S100A8: variants seen among roughly 807,000 people sequenced by gnomAD.
The protein encoded by S100A8 is protein S100-A8.
A neutral mutation model predicts 4.2 loss-of-function variants in S100A8; 1 was observed. That is an observed-to-expected ratio of 0.24 (90% CI 0.08 to 1.12). The LOEUF is 1.12. S100A8 is among the 50% of genes most tolerant of loss of function. The pLI, the probability that S100A8 is intolerant of heterozygous loss-of-function variation, is 0.53. For synonymous variants in S100A8, 41 were observed against 44.7 expected, an observed-to-expected ratio of 0.92 and a Z score of 0.33; for missense variants, 96 against 111.8, an observed-to-expected ratio of 0.86 and a Z score of 0.64.
upstream of S100A8, among the ~76,000 whole-genome samples, chr1:153,392,004 C>T (rs1045915208): frequency 2.0e-5 from 3 of 152,186 alleles, no homozygotes; most frequent in Non-Finnish European, 4.4e-5. Flanking sequence ...CTCCCCACCA[C>T]TAACAAAATG....
At chr1:153,415,730 A>C in the S100A8 span, among the ~76,000 whole-genome samples, 4 of 150,218 alleles carry the variant, frequency 2.7e-5, no homozygotes, top group African/African-American at 1.0e-4. Context: ...GGCGGGGGTC[A>C]CTCCACCACT....
chr1:153,418,776 C>CA, the S100A8 span, among the ~76,000 whole-genome samples: 2 of 152,124 alleles, frequency 1.3e-5, no homozygotes, highest in East Asian at 3.8e-4. Flanking sequence ...AAGAAGAGAA[C>CA]AAAGCATGAG....
At chr1:153,408,558 A>ATAT in the S100A8 span, among the ~76,000 whole-genome samples, 1 of 152,236 alleles carries the variant, frequency 6.6e-6, no homozygotes. Context: ...AGTCTGCAGG[A>ATAT]TATTATCCAG....
chr1:153,402,178 G>C, the S100A8 span, among the ~76,000 whole-genome samples: 4 of 152,326 alleles, frequency 2.6e-5, no homozygotes, highest in South Asian at 8.3e-4. Flanking sequence ...ATGATTAACA[G>C]TATTAAGTTC....
chr1:153,407,834 G>A, the S100A8 span, among the ~76,000 whole-genome samples: 8 of 152,310 alleles, frequency 5.3e-5, no homozygotes, highest in South Asian at 2.1e-4. Context: ...TGCAGCCTCC[G>A]CTGGTGACAC....
At chr1:153,409,574 C>T in the S100A8 span, among the ~76,000 whole-genome samples, 1 of 152,252 alleles carries the variant, frequency 6.6e-6, no homozygotes, top group African/African-American at 2.4e-5. Context: ...ATCAATAAGA[C>T]AGAAAGTTAA....
At chr1:153,400,833 T>C in the S100A8 span, among the ~76,000 whole-genome samples, 3 of 152,208 alleles carry the variant, frequency 2.0e-5, no homozygotes, top group African/African-American at 4.8e-5. Flanking sequence ...ATGTCCACCA[T>C]TGCAATATCC....
At chr1:153,411,228 A>G in the S100A8 span, among the ~76,000 whole-genome samples, 5 of 152,224 alleles carry the variant, frequency 3.3e-5, no homozygotes, top group African/African-American at 7.2e-5. Context: ...TATCTAGAAA[A>G]TCCCATCGCC....
At chr1:153,407,765 A>T in the S100A8 span, among the ~76,000 whole-genome samples, 2 of 152,162 alleles carry the variant, frequency 1.3e-5, no homozygotes, top group South Asian at 4.1e-4. Flanking sequence ...CCTCTGAGAC[A>T]AAGCTTCCAG....
the S100A8 span, among the ~76,000 whole-genome samples, chr1:153,411,233 A>G: frequency 6.6e-6 from 1 of 152,238 alleles, no homozygotes; most frequent in Non-Finnish European, 1.5e-5. Flanking sequence ...AGAAAATCCC[A>G]TCGCCTCAGC....
chr1:153,416,161 G>C, the S100A8 span, among the ~76,000 whole-genome samples: 1 of 152,162 alleles, frequency 6.6e-6, no homozygotes, highest in African/African-American at 2.4e-5. Flanking sequence ...GGAAGTACTG[G>C]GGGAGGGAAT....
the S100A8 span, among the ~76,000 whole-genome samples, chr1:153,406,418 T>G: frequency 2.0e-5 from 3 of 151,776 alleles, no homozygotes; most frequent in South Asian, 2.1e-4. Context: ...GCTTCCGGGC[T>G]CTGTCCCACT....
At chr1:153,397,529 G>A in the S100A8 span, among the ~76,000 whole-genome samples, 1 of 152,192 alleles carries the variant, frequency 6.6e-6, no homozygotes, top group Non-Finnish European at 1.5e-5. Context: ...GGAACAGCAT[G>A]AAGAAAGTCA....
At chr1:153,390,838 G>A (rs1357485792) in intron 1 of S100A8, 1 of 491,466 alleles carries the variant, frequency 2.0e-6, no homozygotes, top group African/African-American at 2.0e-5. Context: ...GTCCAGCCTA[G>A]GAGACAATGT....
the S100A8 span, among the ~76,000 whole-genome samples, chr1:153,406,696 C>T: frequency 1.3e-5 from 2 of 152,172 alleles, no homozygotes; most frequent in Non-Finnish European, 2.9e-5. Context: ...GCGAGCTCCC[C>T]AAAACGATAG....
the S100A8 span, chr1:153,418,093 C>G: frequency 1.3e-4 from 211 of 1,614,152 alleles, no homozygotes; most frequent in African/African-American, 2.5e-3. Flanking sequence ...ATGAGCAACA[C>G]TCAAGCTGAG....
At chr1:153,419,310 T>C in the S100A8 span, 174,196 of 1,613,200 alleles carry the variant, frequency 0.11, 14,214 homozygotes, top group African/African-American at 0.44. Context: ...AAGCCAGTGA[T>C]CCAGCCCCAC....
upstream of S100A8, among the ~76,000 whole-genome samples, chr1:153,394,862 C>A (rs940971227): frequency 6.6e-6 from 1 of 152,114 alleles, no homozygotes; most frequent in Non-Finnish European, 1.5e-5. Context: ...CAGTCCTGTG[C>A]GCAGGTGGTA....
the S100A8 span, among the ~76,000 whole-genome samples, chr1:153,406,858 A>G: frequency 1.8e-3 from 279 of 152,324 alleles, 2 homozygotes; most frequent in Middle Eastern, 0.01. Flanking sequence ...CACAGGGGAA[A>G]GGCTCACAGG....
Sources: allele counts gnomAD v4.1 joint callset (sites outside exome capture counted in the v4.1 genomes callset), GRCh38; gene constraint gnomAD v4.1.1; transcripts MANE v1.5; gene names NCBI Gene and HGNC (gene_info 2026-07-23, HGNC 2026-07-21).